The following LIPC variants were observed in gnomAD, a reference collection of about 807,000 sequenced individuals.
LIPC encodes the protein lipase C, hepatic type, also known as hepatic triacylglycerol lipase.
In LIPC, 44 loss-of-function variants were observed where a neutral mutation model predicts 50.7. That is an observed-to-expected ratio of 0.87 (90% CI 0.68 to 1.11). LIPC has a LOEUF of 1.11. Ranked by LOEUF, LIPC falls within the 50% of genes most tolerant of loss-of-function variation. The probability of loss-of-function intolerance (pLI) is 0.00; values close to 1 mark genes in which losing one functional copy is unlikely to be tolerated. For missense variants in LIPC, 697 were observed against 648.2 expected (o/e 1.08, Z -0.82); for synonymous variants, 271 against 256.4 (o/e 1.06, Z -0.54).
At chr15:58,500,820 T>C (rs955409939) in intron 1 of LIPC, among the ~76,000 whole-genome samples, 1 of 147,370 alleles carries the variant, frequency 6.8e-6, no homozygotes, top group African/African-American at 2.5e-5. Context: ...CTTCTTGACA[T>C]CTGAAATGTG....
rs566779265 is a variant in LIPC at position 58,447,687 on chromosome 15, T to C, written c.88+15567T>C. Among the ~76,000 whole-genome samples the C allele has an allele frequency of 3.9e-5, 6 of 152,340 alleles. No individual in the cohort carries two copies. In the South Asian group the frequency reaches 1.2e-3, roughly 32 times the overall value. ...TGTGCCTTTGAATCATCTGGAGAGC[T>C]TGATACAATGAATGTTTTTTTAAAA... On this transcript the variant is annotated intron_variant, in intron 1 of 8. Transcript: ENST00000299022.
At chr15:58,529,896 G>A (rs1394040300) in intron 1 of LIPC, among the ~76,000 whole-genome samples, 1 of 152,216 alleles carries the variant, frequency 6.6e-6, no homozygotes, top group Non-Finnish European at 1.5e-5. Flanking sequence ...GGGAGCAGTG[G>A]TTGGAGTGGG....
At chr15:58,454,616 C>G (rs1894041808) in intron 1 of LIPC, 1 of 152,246 alleles carries the variant, frequency 6.6e-6, no homozygotes, top group Non-Finnish European at 1.5e-5. Flanking sequence ...ATGGTGACCA[C>G]AGTGCATGGC....
At chr15:58,519,820 TAAG>T (rs1892600786) in intron 1 of LIPC, among the ~76,000 whole-genome samples, 1 of 152,180 alleles carries the variant, frequency 6.6e-6, no homozygotes, top group Non-Finnish European at 1.5e-5. Flanking sequence ...AGGTGGAGCA[TAAG>T]AAGAACTGCA....
At chr15:58,550,546 C>A (rs955035738) in intron 6 of LIPC, among the ~76,000 whole-genome samples, 8 of 152,286 alleles carry the variant, frequency 5.3e-5, no homozygotes, top group Admixed American at 3.3e-4. Flanking sequence ...TTATCTCACC[C>A]ACCAGCTACC....
At chr15:58,512,105 T>C (rs1247194311) in intron 1 of LIPC, among the ~76,000 whole-genome samples, 1 of 149,434 alleles carries the variant, frequency 6.7e-6, no homozygotes, top group Admixed American at 6.7e-5. Flanking sequence ...TTCTTTTTCT[T>C]TTTTTTTTTT....
chr15:58,451,096 G>C (rs1893884037), intron 1 of LIPC, among the ~76,000 whole-genome samples: 1 of 152,092 alleles, frequency 6.6e-6, no homozygotes, highest in African/African-American at 2.4e-5. Context: ...TAGTGGACTG[G>C]GCAAGCAATC....
At chr15:58,463,764 A>G (rs929175500) in intron 1 of LIPC, among the ~76,000 whole-genome samples, 22 of 152,128 alleles carry the variant, frequency 1.4e-4, no homozygotes, top group African/African-American at 5.3e-4. Flanking sequence ...TCACTCCCTT[A>G]GGACCCCTCA....
intron 6 of LIPC, among the ~76,000 whole-genome samples, chr15:58,556,310 G>C (rs187956881): frequency 1.3e-5 from 2 of 152,142 alleles, no homozygotes; most frequent in Non-Finnish European, 2.9e-5. Flanking sequence ...GTGTGGTTCC[G>C]AGATGGCCTT....
chr15:58,497,601 C>T (rs903162356), intron 1 of LIPC: 1 of 152,368 alleles, frequency 6.6e-6, no homozygotes, highest in Non-Finnish European at 1.5e-5. Flanking sequence ...CTTCCAAACC[C>T]TTCCTGTCTC....
chr15:58,457,133 G>C (rs762558508), intron 1 of LIPC, among the ~76,000 whole-genome samples: 1 of 152,154 alleles, frequency 6.6e-6, no homozygotes, highest in Non-Finnish European at 1.5e-5. Context: ...TTTTGAGACG[G>C]AGTTTCACTC....
chr15:58,512,252 C>T (rs1373866214), intron 1 of LIPC, among the ~76,000 whole-genome samples: 1 of 152,076 alleles, frequency 6.6e-6, no homozygotes, highest in Non-Finnish European at 1.5e-5. Flanking sequence ...GCATGAGCCA[C>T]CAAGCCTGAC....
chr15:58,568,426 G>C (rs1287542878), intron 8 of LIPC, among the ~76,000 whole-genome samples: 2 of 152,186 alleles, frequency 1.3e-5, no homozygotes, highest in South Asian at 2.1e-4. Context: ...TCAAATCTTC[G>C]ATGAGCTGTC....
At chr15:58,538,998 A>G (rs950793417) in intron 2 of LIPC, among the ~76,000 whole-genome samples, 11 of 152,258 alleles carry the variant, frequency 7.2e-5, no homozygotes, top group African/African-American at 2.2e-4. Flanking sequence ...CCAAAGATAT[A>G]TGTAACCCAA....
chr15:58,541,779 C>A lies in LIPC; in HGVS notation c.274-6C>A. 6.2e-7 allele frequency: 1 copy of A among 1,613,080 alleles called. No individual in the cohort carries two copies. Among genetic ancestry groups the A allele is most frequent in the South Asian group, 1.1e-5 (1 of 90,790 alleles). ...TAGTGCGACCCTCCCTCTGTCCCCTCCTCAGGTGGACGGCGTGCTAGAAAA... is the reference window on the plus strand; with the variant it reads ...TAGTGCGACCCTCCCTCTGTCCCCTACTCAGGTGGACGGCGTGCTAGAAAA... On this transcript the variant is annotated splice_polypyrimidine_tract_variant and splice_region_variant and intron_variant, in intron 2 of 8. Coordinates refer to ENST00000299022, the MANE Select transcript of LIPC (RefSeq NM_000236.3).
chr15:58,517,498 A>G (rs1892520335), intron 1 of LIPC, among the ~76,000 whole-genome samples: 2 of 152,260 alleles, frequency 1.3e-5, no homozygotes, highest in Non-Finnish European at 2.9e-5. Context: ...GAGGTCTCAC[A>G]AGCATTTAAA....
At chr15:58,565,295 GC>G in intron 8 of LIPC, 1 of 1,535,614 alleles carries the variant, frequency 6.5e-7, no homozygotes, top group Non-Finnish European at 8.7e-7. Flanking sequence ...CTCTGACCCT[GC>G]CCAGATGCTC....
At chr15:58,471,098 C>T (rs551319930) in intron 1 of LIPC, among the ~76,000 whole-genome samples, 137 of 150,776 alleles carry the variant, frequency 9.1e-4, no homozygotes, top group African/African-American at 3.2e-3. Context: ...AAGGTCTAGG[C>T]CAGAGATGGT....
At chr15:58,503,204 T>C (rs1224735583) in intron 1 of LIPC, among the ~76,000 whole-genome samples, 3 of 152,220 alleles carry the variant, frequency 2.0e-5, no homozygotes, top group African/African-American at 7.2e-5. Flanking sequence ...AAAAGTTAAC[T>C]TTCCCAGAGT....
Sources: gnomAD v4.1 joint callset for allele counts (sites outside exome capture counted in the v4.1 genomes callset) on GRCh38, gnomAD v4.1.1 for gene constraint, MANE v1.5 for transcripts, NCBI Gene and HGNC (gene_info 2026-07-23, HGNC 2026-07-21) for gene names.